GNG4: variants seen among roughly 807,000 people sequenced by gnomAD.
GNG4 encodes guanine nucleotide-binding protein G(I)/G(S)/G(O) subunit gamma-4.
Under a neutral mutation model 5.8 loss-of-function variants are expected in GNG4, and 4 were observed. The ratio of observed to expected loss-of-function variants is 0.69; its 90% CI spans 0.34 to 1.57. GNG4 has a LOEUF of 1.57. Ranked by LOEUF, GNG4 falls within the 40% of genes most tolerant of loss-of-function variation. The pLI is 0.06. For missense variants in GNG4, 96 were observed against 95.1 expected (o/e 1.01, Z -0.04); for synonymous variants, 29 against 32.9 (o/e 0.88, Z 0.41).
At position 235,644,763 on chromosome 1, in the gene GNG4, A is replaced by C. The variant is rs1315900885; in HGVS notation, c.-123+4899T>G. 6.6e-6 allele frequency among the ~76,000 whole-genome samples: 1 copy of C among 152,232 alleles called. No individual in the cohort carries two copies. The highest frequency in any genetic ancestry group is 1.5e-5 in the Non-Finnish European group (1 of 68,034). On this transcript the variant is annotated intron_variant, in intron 1 of 3. Coordinates refer to ENST00000391854, the MANE Select transcript of GNG4 (RefSeq NM_001098722.2). The surrounding 1 kb of genome is among the most constrained non-coding windows in gnomAD (Gnocchi z 5.9). ...AGGGGCAGCGGAAAGGCCCTGCTGGAAATTTCCATCCAGGGTCTGTGCAGG... is the reference window on the plus strand; with the variant it reads ...AGGGGCAGCGGAAAGGCCCTGCTGGCAATTTCCATCCAGGGTCTGTGCAGG...
chr1:235,617,338 G>A (rs1450178726), intron 1 of GNG4, among the ~76,000 whole-genome samples: 1 of 152,154 alleles, frequency 6.6e-6, no homozygotes, highest in Non-Finnish European at 1.5e-5. Context: ...GGGATCATCC[G>A]GAGTGGGAGA....
intron 3 of GNG4, among the ~76,000 whole-genome samples, chr1:235,561,941 CTT>C (rs994362836): frequency 4.6e-5 from 7 of 152,148 alleles, no homozygotes; most frequent in African/African-American, 1.7e-4. Context: ...GTAGTGTACT[CTT>C]TTATATTTAT....
intron 1 of GNG4, among the ~76,000 whole-genome samples, chr1:235,643,960 G>A (rs1213053618): frequency 2.6e-5 from 4 of 152,206 alleles, no homozygotes; most frequent in Admixed American, 2.0e-4. Flanking sequence ...GCGGGGACGC[G>A]GCAGAGCAGG....
intron 1 of GNG4, among the ~76,000 whole-genome samples, chr1:235,621,137 A>G (rs1688702350): frequency 2.0e-5 from 3 of 151,180 alleles, no homozygotes; most frequent in African/African-American, 7.3e-5. Flanking sequence ...TTTAAAAAAA[A>G]GGAGGCTCTG....
At chr1:235,570,395 T>TTC (rs1687302858) in intron 3 of GNG4, among the ~76,000 whole-genome samples, 1 of 16,738 alleles carries the variant, frequency 6.0e-5, no homozygotes, top group African/African-American at 4.0e-4. Flanking sequence ...TCACCTCTTC[T>TTC]TTTTTTTTTT....
chr1:235,559,540 G>A (rs111942446), intron 3 of GNG4, among the ~76,000 whole-genome samples: 19 of 152,020 alleles, frequency 1.2e-4, no homozygotes, highest in African/African-American at 2.4e-4. Flanking sequence ...TAACTACTTC[G>A]TACTATTCCT....
chr1:235,587,799 TGA>T (rs1308926964), intron 2 of GNG4, among the ~76,000 whole-genome samples: 6 of 111,174 alleles, frequency 5.4e-5, no homozygotes, highest in African/African-American at 6.6e-5. Flanking sequence ...TGTGTGAAGG[TGA>T]GAGTGTGAAT....
intron 1 of GNG4, among the ~76,000 whole-genome samples, chr1:235,627,757 A>C (rs1688845792): frequency 6.6e-6 from 1 of 152,214 alleles, no homozygotes; most frequent in Non-Finnish European, 1.5e-5. Flanking sequence ...TCAGAGAGGA[A>C]GACTGGAGTA....
chr1:235,585,516 A>G (rs1245594382), intron 2 of GNG4, among the ~76,000 whole-genome samples: 1 of 152,228 alleles, frequency 6.6e-6, no homozygotes, highest in South Asian at 2.1e-4. Context: ...CTTACACAAA[A>G]AGATAACGTG....
intron 3 of GNG4, among the ~76,000 whole-genome samples, chr1:235,572,540 C>T (rs900168233): frequency 7.3e-6 from 1 of 137,360 alleles, no homozygotes; most frequent in African/African-American, 2.8e-5. Context: ...CTAGCTCTGT[C>T]GCCCAGGCTG....
intron 1 of GNG4, among the ~76,000 whole-genome samples, chr1:235,628,776 T>C (rs7555322): frequency 0.87 from 132,314 of 152,236 alleles, 57,757 homozygotes; most frequent in African/African-American, 0.96. Flanking sequence ...AGGTGCTAGG[T>C]GGTGGCCCTT....
intron 3 of GNG4, among the ~76,000 whole-genome samples, chr1:235,567,089 C>A (rs1176440820): frequency 6.6e-6 from 1 of 151,728 alleles, no homozygotes; most frequent in Non-Finnish European, 1.5e-5. Flanking sequence ...ACCACCATGT[C>A]CAGCTAATTA....
At chr1:235,555,101 G>A (rs902604617) in intron 3 of GNG4, among the ~76,000 whole-genome samples, 6 of 152,168 alleles carry the variant, frequency 3.9e-5, no homozygotes, top group African/African-American at 1.4e-4. Flanking sequence ...CAAACATGAT[G>A]AAGTCACTAT....
chr1:235,613,651 G>C (rs1172639686), intron 1 of GNG4, among the ~76,000 whole-genome samples: 1 of 152,172 alleles, frequency 6.6e-6, no homozygotes, highest in Non-Finnish European at 1.5e-5. Context: ...TTTTCTCCTG[G>C]TGTTTCCTGA....
At chr1:235,560,859 AT>A (rs1687043447) in intron 3 of GNG4, among the ~76,000 whole-genome samples, 1 of 151,958 alleles carries the variant, frequency 6.6e-6, no homozygotes, top group Non-Finnish European at 1.5e-5. Flanking sequence ...ATATGGCCAG[AT>A]TTTTGGATTT....
intron 1 of GNG4, among the ~76,000 whole-genome samples, chr1:235,628,993 A>ATTTT (rs1054950474): frequency 0.03 from 3,591 of 118,148 alleles, 148 homozygotes; most frequent in African/African-American, 0.1. Flanking sequence ...ATTTGCTTGA[A>ATTTT]TTTTTTTTTT....
chr1:235,609,376 C>T (rs192117249), intron 1 of GNG4, among the ~76,000 whole-genome samples: 1 of 152,194 alleles, frequency 6.6e-6, no homozygotes, highest in African/African-American at 2.4e-5. Context: ...AGCAATAGCT[C>T]CAATTTCTTC....
At chr1:235,598,412 C>G (rs994895647) in intron 1 of GNG4, among the ~76,000 whole-genome samples, 3 of 152,090 alleles carry the variant, frequency 2.0e-5, no homozygotes, top group African/African-American at 7.2e-5. Flanking sequence ...AGTTCAAGAC[C>G]AGCCTGGGCA....
chr1:235,641,059 C>T (rs1657312432), intron 1 of GNG4, among the ~76,000 whole-genome samples: 1 of 152,236 alleles, frequency 6.6e-6, no homozygotes, highest in Admixed American at 6.5e-5. Context: ...GAGGGGAAAG[C>T]CACCTTATTC....
Sources: allele counts gnomAD v4.1 joint callset (sites outside exome capture counted in the v4.1 genomes callset), GRCh38; gene constraint gnomAD v4.1.1; non-coding constraint Gnocchi (gnomAD v3.1); transcripts MANE v1.5; gene names NCBI Gene and HGNC (gene_info 2026-07-23, HGNC 2026-07-21).